The following ZC3HAV1L variants were observed in gnomAD, a reference collection of about 807,000 sequenced individuals.
ZC3HAV1L encodes zinc finger CCCH-type antiviral protein 1-like.
In ZC3HAV1L, 23 loss-of-function variants were observed where a neutral mutation model predicts 28.2. That is an observed-to-expected ratio of 0.82 (90% confidence interval 0.59 to 1.16). The LOEUF is 1.16. Ranked by LOEUF, ZC3HAV1L falls within the 50% of genes most tolerant of loss-of-function variation. The pLI, the probability that ZC3HAV1L is intolerant of heterozygous loss-of-function variation, is 0.00. For missense variants in ZC3HAV1L, 376 were observed against 387.7 expected, an observed-to-expected ratio of 0.97 and a Z score of 0.25; for synonymous variants, 180 against 163.4, an observed-to-expected ratio of 1.10 and a Z score of -0.78.
downstream of ZC3HAV1L, among the ~76,000 whole-genome samples, chr7:139,022,592 C>T (rs375879311): frequency 6.6e-6 from 1 of 152,274 alleles, no homozygotes; most frequent in South Asian, 2.1e-4. Context: ...CAATATGCTA[C>T]TGATTCACAT....
intron 2 of ZC3HAV1L, among the ~76,000 whole-genome samples, chr7:139,030,631 A>G (rs921272461): frequency 2.6e-5 from 4 of 151,978 alleles, no homozygotes; most frequent in African/African-American, 7.3e-5. Context: ...GTTCAAGACC[A>G]GCCTGGCCAA....
chr7:139,029,001 CTTT>C, intron 2 of ZC3HAV1L, 41 bp from the exon 3 acceptor site: 1 of 1,222,762 alleles, frequency 8.2e-7, no homozygotes. Flanking sequence ...ATTAGTTTTT[CTTT>C]TTTTTTTGGC....
In ZC3HAV1L at chr7:139,035,845, T is replaced by A. The variant is rs1379867717; in HGVS notation, c.173A>T (p.Glu58Val). 1 of 1,500,038 alleles carries A rather than the reference T, an allele frequency of 6.7e-7. No individual in the cohort carries two copies. The highest frequency in any genetic ancestry group is 1.2e-5 in the South Asian group (1 of 80,148). The allele number at this position is 1,500,038 out of a possible 1,614,324, so 92.9% of individuals were successfully genotyped here. ...CTCGGCCTCCGCGTCCCCGAGGCCC[T>A]CCTGCGTCTCCACCTCCTGCAGCAG... ...RFLLQEVETQEGLGDAEAEAA... is the reference protein window; with the variant it reads ...RFLLQEVETQVGLGDAEAEAA... Residue 58 changes from glutamate (E) to valine (V), a missense_variant, in exon 1 of 5, where the codon GAG (glutamate) becomes GTG (valine). Glu to Val is a moderately radical substitution (Grantham distance 121). Transcript: ENST00000275766.
At chr7:139,035,562 C>T in intron 1 of ZC3HAV1L, 91 bp downstream of exon 1, 1 of 1,338,258 alleles carries the variant, frequency 7.5e-7, no homozygotes, top group Non-Finnish European at 9.5e-7. Flanking sequence ...CGGGGCAGGA[C>T]GAAGCCCCCC....
downstream of ZC3HAV1L, among the ~76,000 whole-genome samples, chr7:139,023,394 C>G (rs1815287372): frequency 6.6e-6 from 1 of 152,096 alleles, no homozygotes. Flanking sequence ...ACAAAGTGGG[C>G]CCACATTCCC....
chr7:139,030,845 A>G (rs1563115039), intron 2 of ZC3HAV1L, among the ~76,000 whole-genome samples: 1 of 151,030 alleles, frequency 6.6e-6, no homozygotes, highest in Non-Finnish European at 1.5e-5. Context: ...TAATTAATTA[A>G]TTAATTAATT....
rs1430188870 is a variant in ZC3HAV1L, at chr7:139,028,907, C to G, written c.555G>C (p.Lys185Asn). Residue 185 changes from lysine to asparagine, a missense_variant, in exon 3 of 5, where the codon AAG becomes AAC. Transcript: ENST00000275766. ...ACACATGAAACTTGTTGCATTTATC[C>G]TTGAGGTTGCAGTAGCCATACAGGG... is the stretch of plus-strand genomic sequence containing the variant. The part of the protein sequence containing the change: ...GEALYGYCNL[K>N]DKCNKFHVCK... The G allele has an allele frequency of 1.9e-6, 3 of 1,614,168 alleles. No individual in the cohort carries two copies. The East Asian group carries it at 6.7e-5, about 36-fold the overall frequency.
chr7:139,034,967 C>T, intron 1 of ZC3HAV1L: 1 of 985,446 alleles, frequency 1.0e-6, no homozygotes, highest in South Asian at 4.7e-5. Flanking sequence ...ACCTGGCCTT[C>T]TCCCCGGCAA....
In ZC3HAV1L at chr7:139,031,947, C is replaced by T. The variant is rs112155832; in HGVS notation, c.501+2596G>A. Among the ~76,000 whole-genome samples, 10 of 151,876 alleles carry T rather than the reference C, an allele frequency of 6.6e-5. 1 individual carries two copies. Among genetic ancestry groups the T allele is most frequent in the African/African-American group, 2.4e-4 (10 of 41,432 alleles). Reference sequence around the variant, plus strand: ...AAAAGTAGCTGGGTGCGGTGGTGTACACCTGCAGTCCCAGCTACTCGAGAG... The same window carrying T: ...AAAAGTAGCTGGGTGCGGTGGTGTATACCTGCAGTCCCAGCTACTCGAGAG... On this transcript the variant is annotated intron_variant, in intron 2 of 4. Coordinates refer to ENST00000275766, the MANE Select transcript of ZC3HAV1L (RefSeq NM_080660.4).
intron 3 of ZC3HAV1L, among the ~76,000 whole-genome samples, chr7:139,028,023 T>A (rs1259873400): frequency 6.6e-6 from 1 of 152,160 alleles, no homozygotes; most frequent in African/African-American, 2.4e-5. Context: ...CCTACATTAA[T>A]CTTACTTTTC....
At chr7:139,030,042 G>T (rs981353061) in intron 2 of ZC3HAV1L, among the ~76,000 whole-genome samples, 32 of 152,272 alleles carry the variant, frequency 2.1e-4, no homozygotes, top group Non-Finnish European at 4.7e-4. Context: ...AAATAGAACT[G>T]TCCAGGTTTT....
chr7:139,028,740 T>C lies in ZC3HAV1L; in HGVS notation c.722A>G (p.Tyr241Cys), dbSNP rs748400636. ...CATCTTGTGCAGCTTCATATGCTTGTAGGTGGAGATTATCTGAAAATTAAC... is the reference window on the plus strand; with the variant it reads ...CATCTTGTGCAGCTTCATATGCTTGCAGGTGGAGATTATCTGAAAATTAAC... ...SVVNFQIIST[Y>C]KHMKLHKMLE... Residue 241 changes from tyrosine to cysteine, a missense_variant, in exon 3 of 5, where the codon TAC becomes TGC. Transcript: ENST00000275766. 7.4e-6 allele frequency: 12 copies of C among 1,614,188 alleles called. No individual in the cohort carries two copies. The highest frequency in any genetic ancestry group is 1.0e-5 in the Non-Finnish European group (12 of 1,180,028).
At chr7:139,033,697 A>G in intron 2 of ZC3HAV1L, 1 of 984,736 alleles carries the variant, frequency 1.0e-6, no homozygotes, top group Middle Eastern at 5.2e-4. Flanking sequence ...GGGCATACCA[A>G]AAAAACATTC....
rs1357707835 is a variant in ZC3HAV1L, at chr7:139,028,709, T to C, written c.753A>G (p.Glu251=). The change falls in exon 3 of 5, where the codon GAA becomes GAG. Residue 251 remains glutamate, a synonymous_variant. Coordinates refer to ENST00000275766, the MANE Select transcript of ZC3HAV1L (RefSeq NM_080660.4). ...CTTCTTGGATATTCCTACCTGTATTTTCAAGCATCTTGTGCAGCTTCATAT... is the reference window on the plus strand; with the variant it reads ...CTTCTTGGATATTCCTACCTGTATTCTCAAGCATCTTGTGCAGCTTCATAT... The part of the protein sequence containing the change: ...YKHMKLHKML[E]NTDNSSPSTE... 1 of 1,613,290 alleles carries C rather than the reference T, an allele frequency of 6.2e-7. No homozygotes were observed. Among genetic ancestry groups the C allele is most frequent in the Non-Finnish European group, 8.5e-7 (1 of 1,179,330 alleles).
chr7:139,033,596 G>A (rs565172394), intron 2 of ZC3HAV1L, among the ~76,000 whole-genome samples: 2 of 152,146 alleles, frequency 1.3e-5, no homozygotes, highest in Non-Finnish European at 2.9e-5. Context: ...GGCTCCTGTT[G>A]TAAGTGCAGC....
chr7:139,023,167 T>C (rs1202067805), downstream of ZC3HAV1L, among the ~76,000 whole-genome samples: 2 of 80,552 alleles, frequency 2.5e-5, no homozygotes, highest in African/African-American at 5.0e-5. Flanking sequence ...AGAGACTCCA[T>C]CTCAAAGGAA....
downstream of ZC3HAV1L, among the ~76,000 whole-genome samples, chr7:139,024,400 T>C (rs544098024): frequency 6.6e-6 from 1 of 152,246 alleles, no homozygotes; most frequent in East Asian, 1.9e-4. Context: ...AGTCTCTCAA[T>C]GTAAAGGAAA....
chr7:139,027,212 A>T (rs1246757569), intron 3 of ZC3HAV1L, among the ~76,000 whole-genome samples: 1 of 151,886 alleles, frequency 6.6e-6, no homozygotes, highest in Non-Finnish European at 1.5e-5. Flanking sequence ...ACACATGAAA[A>T]CTCGATGGTG....
Position 139,026,833 on chromosome 7 carries a change from T to C in ZC3HAV1L, c.761A>G (p.Asp254Gly), listed in dbSNP as rs766268552. The change falls in exon 4 of 5, where the codon GAT (aspartate) becomes GGT (glycine). Residue 254 changes from aspartate to glycine, a missense_variant and splice_region_variant. By Grantham distance (94) the Asp-to-Gly change is moderately conservative. Coordinates refer to ENST00000275766, the MANE Select transcript of ZC3HAV1L (RefSeq NM_080660.4). ...ATGCTCAGTCGAAGGTGATGAATTA[T>C]CTACAAAGAGGAAAGGGATAAGTTT... Reference protein sequence around the residue: ...MKLHKMLENTDNSSPSTEHSQ... With the variant: ...MKLHKMLENTGNSSPSTEHSQ... 2.5e-6 allele frequency: 4 copies of C among 1,609,074 alleles called. No homozygotes were observed. Among genetic ancestry groups the C allele is most frequent in the East Asian group, 2.2e-5 (1 of 44,786 alleles).
Sources: gnomAD v4.1 joint callset for allele counts (sites outside exome capture counted in the v4.1 genomes callset) on GRCh38, gnomAD v4.1.1 for gene constraint, MANE v1.5 for transcripts, NCBI Gene and HGNC (gene_info 2026-07-23, HGNC 2026-07-21) for gene names.